SEPTIN6: variants seen among roughly 807,000 people sequenced by gnomAD.
The protein encoded by SEPTIN6 is septin 6.
In SEPTIN6, 8 loss-of-function variants were observed where a neutral mutation model predicts 33.6. That is an observed-to-expected ratio of 0.24 (90% CI 0.14 to 0.43). The LOEUF is 0.43. Among genes scored for constraint, SEPTIN6 ranks in the 20% least tolerant of loss-of-function variants. SEPTIN6 has a pLI of 1.00. For missense variants in SEPTIN6, 250 were observed against 340.8 expected (o/e 0.73, Z 2.10); for synonymous variants, 131 against 140.0 (o/e 0.94, Z 0.45).
chrX:119,620,381 C>G (rs1331960222), intron 10 of SEPTIN6, among the ~76,000 whole-genome samples: 2 of 99,106 alleles, frequency 2.0e-5, no homozygotes, highest in East Asian at 6.4e-4. Flanking sequence ...TGCAGTGGTG[C>G]GATCTCGGCT....
intron 1 of SEPTIN6, among the ~76,000 whole-genome samples, chrX:119,691,422 C>T (rs1464765751): frequency 8.9e-6 from 1 of 112,077 alleles, no homozygotes; most frequent in Non-Finnish European, 1.9e-5. Context: ...ATGCAGGTAA[C>T]CAGGAGCAGA....
rs5957203 is a variant in SEPTIN6 at position 119,653,059 on chromosome X, A to T, written c.342-19T>A. 166,443 of 1,178,322 alleles carry T rather than the reference A, an allele frequency of 0.14. 9,389 individuals are homozygous for T. The highest frequency in any genetic ancestry group is 0.35 in the African/African-American group (19,557 of 56,059). ...CTTGTAGCTAAAAGGGAGAGCAGGG[A>T]CAGAGGCGGATCCCGTCAAAAACTT... On this transcript the variant is annotated intron_variant, in intron 3 of 10. Coordinates refer to ENST00000394610, the MANE Select transcript of SEPTIN6 (RefSeq NM_145799.4).
At chrX:119,648,023 C>A (rs779522167) in intron 5 of SEPTIN6, among the ~76,000 whole-genome samples, 2 of 106,896 alleles carry the variant, frequency 1.9e-5, no homozygotes, top group South Asian at 3.9e-4. Flanking sequence ...AATTTTGTTT[C>A]TCAAAGTGAA....
At position 119,619,844 on chromosome X, in the gene SEPTIN6, G is replaced by A. The variant is rs114407011; in HGVS notation, c.*249C>T. The A allele has an allele frequency of 4.6e-5, 49 of 1,069,107 alleles. No individual in the cohort carries two copies. In the African/African-American group the frequency reaches 7.9e-4, roughly 17 times the overall value. 88.1% of individuals were successfully genotyped at this position (1,069,107 alleles called of 1,213,427 possible). A position where few individuals can be genotyped will look rare whatever the true frequency, so the allele number is the denominator to read the frequency against. ...GTGCTGGGAGGGGGACTGGGATGCA[G>A]GATGCATCTGCGAGCCACATGACTG... On this transcript the variant is annotated 3_prime_UTR_variant, in exon 11 of 11. Transcript: ENST00000394610.
chrX:119,650,090 G>A lies in SEPTIN6; in HGVS notation c.537C>T (p.Ile179=), dbSNP rs747354561. The A allele has an allele frequency of 9.8e-5, 119 of 1,209,142 alleles. No individual in the cohort carries two copies. In the East Asian group the frequency reaches 2.7e-3, roughly 27 times the overall value. The change falls in exon 5 of 11, where the codon ATC becomes ATT. Residue 179 remains isoleucine, a synonymous_variant. Coordinates refer to ENST00000394610, the MANE Select transcript of SEPTIN6 (RefSeq NM_145799.4). ...CATCTGCTTTGGCAATGATGGGGATGATGTTCACCTAGGGAGAGGAGGGGC... is the reference window on the plus strand; with the variant it reads ...CATCTGCTTTGGCAATGATGGGGATAATGTTCACCTAGGGAGAGGAGGGGC... ...TMKKLDSKVN[I]IPIIAKADAI...
At chrX:119,654,866 C>T (rs536199558) in intron 3 of SEPTIN6, among the ~76,000 whole-genome samples, 10 of 111,265 alleles carry the variant, frequency 9.0e-5, no homozygotes, top group Admixed American at 2.9e-4. Flanking sequence ...AGGGTAATCG[C>T]ATCAAAGAAT....
In SEPTIN6 at chrX:119,653,007, T is replaced by C; in HGVS notation, c.375A>G (p.Gln125=). 4.1e-6 allele frequency: 5 copies of C among 1,210,572 alleles called. No homozygotes were observed. The highest frequency in any genetic ancestry group is 5.6e-6 in the Non-Finnish European group (5 of 894,839). The stretch of plus-strand genomic sequence containing the variant: ...GCTCTTCCTGCAGGTAGGCCTCGAA[T>C]TGTGCATCGATGAATTCCACGATAG... ...YKPIVEFIDA[Q]FEAYLQEELK... The change falls in exon 4 of 11, where the codon CAA becomes CAG. Residue 125 remains glutamine (Q), a synonymous_variant. Coordinates refer to ENST00000394610, the MANE Select transcript of SEPTIN6 (RefSeq NM_145799.4).
intron 3 of SEPTIN6, among the ~76,000 whole-genome samples, chrX:119,658,545 CT>C (rs1392036329): frequency 2.7e-5 from 3 of 112,058 alleles, no homozygotes; most frequent in African/African-American, 9.7e-5. Flanking sequence ...TTTCTCTAGG[CT>C]GTATACTTAA....
At chrX:119,665,062 G>A (rs1331738836) in intron 2 of SEPTIN6, among the ~76,000 whole-genome samples, 3 of 108,320 alleles carry the variant, frequency 2.8e-5, no homozygotes, top group African/African-American at 1.0e-4. Flanking sequence ...GGGCGGGGTG[G>A]GGAGACCCAG....
intron 8 of SEPTIN6, among the ~76,000 whole-genome samples, chrX:119,631,838 C>T (rs1443131294): frequency 9.2e-6 from 1 of 108,600 alleles, no homozygotes; most frequent in African/African-American, 3.4e-5. Context: ...TCTCGGCTCA[C>T]TGCAACCTCC....
intron 10 of SEPTIN6, among the ~76,000 whole-genome samples, chrX:119,625,030 G>T (rs760411988): frequency 3.6e-5 from 4 of 111,170 alleles, no homozygotes; most frequent in Non-Finnish European, 5.7e-5. Context: ...GGCTCTTTAA[G>T]AAAAAAACTT....
chrX:119,691,744 T>C (rs758687054), intron 1 of SEPTIN6, among the ~76,000 whole-genome samples: 2 of 112,648 alleles, frequency 1.8e-5, no homozygotes, highest in South Asian at 7.3e-4. Context: ...TTACACCAAA[T>C]ACCTAGAGGC....
At chrX:119,657,900 C>A (rs1390511996) in intron 3 of SEPTIN6, among the ~76,000 whole-genome samples, 1 of 111,710 alleles carries the variant, frequency 9.0e-6, no homozygotes, top group Admixed American at 9.5e-5. Context: ...CCGAGGCAGG[C>A]GGATCATGAG....
At chrX:119,626,140 C>T (rs959701441) in intron 9 of SEPTIN6, among the ~76,000 whole-genome samples, 2 of 111,935 alleles carry the variant, frequency 1.8e-5, no homozygotes, top group African/African-American at 6.5e-5. Flanking sequence ...ATATAAGGTG[C>T]CACATGCCAG....
chrX:119,640,581 T>C, intron 6 of SEPTIN6, 111 bp downstream of exon 6: 2 of 606,197 alleles, frequency 3.3e-6, no homozygotes, highest in Non-Finnish European at 5.3e-6. Flanking sequence ...CCATGCCGAA[T>C]GAGCAGAGAC....
At chrX:119,688,972 G>A (rs1015809798) in intron 1 of SEPTIN6, among the ~76,000 whole-genome samples, 86 of 110,958 alleles carry the variant, frequency 7.8e-4, no homozygotes, top group African/African-American at 2.6e-3. Flanking sequence ...GGGAATCAAA[G>A]GGTAACTGCC....
At position 119,650,009 on chromosome X, in the gene SEPTIN6, G is replaced by A. The variant is rs372706206; in HGVS notation, c.618C>T (p.Val206=). The change falls in exon 5 of 11, where the codon GTC becomes GTT. Residue 206 remains valine (V), a synonymous_variant. Coordinates refer to ENST00000394610, the MANE Select transcript of SEPTIN6 (RefSeq NM_145799.4). ...ACTGATAGATCTGGACTCCGTTGCT[G>A]ACAAGCTCGCTGGTGATTTTGATTT... The part of the protein sequence containing the change: ...KFKIKITSEL[V]SNGVQIYQFP... The A allele has an allele frequency of 4.0e-5, 48 of 1,209,940 alleles. No homozygotes were observed. Among genetic ancestry groups the A allele is most frequent in the Non-Finnish European group, 3.4e-6 (3 of 894,756 alleles).
At chrX:119,630,869 G>C (rs908536058) in intron 8 of SEPTIN6, among the ~76,000 whole-genome samples, 13 of 108,057 alleles carry the variant, frequency 1.2e-4, no homozygotes, top group Admixed American at 2.0e-4. Context: ...CTCCAGCCTG[G>C]GCAAGAGTGA....
chrX:119,641,387 G>A (rs192113848), intron 5 of SEPTIN6, among the ~76,000 whole-genome samples: 5 of 112,059 alleles, frequency 4.5e-5, no homozygotes, highest in African/African-American at 9.7e-5. Context: ...TCTTCTGTAG[G>A]TGCTATAAGG....
Sources: gnomAD v4.1 joint callset for allele counts (sites outside exome capture counted in the v4.1 genomes callset) on GRCh38, gnomAD v4.1.1 for gene constraint, MANE v1.5 for transcripts, NCBI Gene and HGNC (gene_info 2026-07-23, HGNC 2026-07-21) for gene names.